The following ROBO1 variants were observed in gnomAD, a reference collection of about 807,000 sequenced individuals.
ROBO1 encodes roundabout guidance receptor 1.
Under a neutral mutation model 195.9 loss-of-function variants are expected in ROBO1, and 149 were observed. The observed-to-expected ratio is 0.76, with a 90% CI of 0.67 to 0.87. The LOEUF (loss-of-function observed/expected upper bound fraction) is 0.87, where lower values mean the gene tolerates loss of function less well. Ranked by LOEUF, ROBO1 falls within the 40% of genes least tolerant of loss-of-function variation. The probability of loss-of-function intolerance (pLI) is 0.00; values close to 1 mark genes in which losing one functional copy is unlikely to be tolerated. For missense variants in ROBO1, 1,933 were observed against 2,068.3 expected, an observed-to-expected ratio of 0.93 and a Z score of 1.27; for synonymous variants, 816 against 733.2, an observed-to-expected ratio of 1.11 and a Z score of -1.82.
intron 1 of ROBO1, among the ~76,000 whole-genome samples, chr3:79,596,873 G>A (rs116174905): frequency 0.015 from 2,290 of 152,068 alleles, 79 homozygotes; most frequent in African/African-American, 0.052. Context: ...AGATTAAAGT[G>A]ACTCCAGATA....
At chr3:78,693,254 G>C in intron 8 of ROBO1, 13 of 1,510,012 alleles carry the variant, frequency 8.6e-6, no homozygotes, top group Non-Finnish European at 1.1e-5. Flanking sequence ...CTGATTGGTT[G>C]AAGGACATGG....
chr3:79,613,129 C>T (rs1278212546), intron 1 of ROBO1, among the ~76,000 whole-genome samples: 9 of 36,084 alleles, frequency 2.5e-4, no homozygotes. Flanking sequence ...TTCAAAAGGA[C>T]TGGGAAAGAC....
In ROBO1 at chr3:78,858,265, C is replaced by A. The variant is rs1158699271; in HGVS notation, c.499+80336G>T. ...CAGGAGCAAGAGATTAATTCCCAAACCCCTAAAACTGTTCTCATTCATCTC... is the reference window on the plus strand; with the variant it reads ...CAGGAGCAAGAGATTAATTCCCAAAACCCTAAAACTGTTCTCATTCATCTC... On this transcript the variant is annotated intron_variant, in intron 4 of 30. Transcript: ENST00000464233. 3.3e-5 allele frequency among the ~76,000 whole-genome samples: 5 copies of A among 152,184 alleles called. No individual in the cohort carries two copies. In the South Asian group the frequency reaches 1.0e-3, roughly 32 times the overall value.
intron 4 of ROBO1, among the ~76,000 whole-genome samples, chr3:78,914,775 A>G (rs896780663): frequency 7.2e-4 from 107 of 147,814 alleles, no homozygotes; most frequent in African/African-American, 2.3e-3. Flanking sequence ...ATATATTTAT[A>G]TAAATATGCT....
intron 3 of ROBO1, among the ~76,000 whole-genome samples, chr3:79,081,646 A>C (rs1227304554): frequency 6.6e-6 from 1 of 152,180 alleles, no homozygotes; most frequent in Non-Finnish European, 1.5e-5. Flanking sequence ...AGCTGCCAAC[A>C]CAAGAAAGCT....
chr3:79,015,515 A>G (rs1329260855), intron 3 of ROBO1, among the ~76,000 whole-genome samples: 1 of 151,988 alleles, frequency 6.6e-6, no homozygotes, highest in Non-Finnish European at 1.5e-5. Flanking sequence ...AGTGGATTTG[A>G]GCAAGTCTAT....
At chr3:79,626,946 G>T (rs1044259773) in intron 1 of ROBO1, among the ~76,000 whole-genome samples, 1 of 152,136 alleles carries the variant, frequency 6.6e-6, no homozygotes. Context: ...AGCTAACAAG[G>T]GATGTGAAGG....
At chr3:79,695,995 T>A (rs1241689811) in intron 1 of ROBO1, among the ~76,000 whole-genome samples, 3 of 151,180 alleles carry the variant, frequency 2.0e-5, no homozygotes, top group Non-Finnish European at 4.4e-5. Flanking sequence ...GGGGAGGGGG[T>A]TCTGTGTTAG....
intron 2 of ROBO1, among the ~76,000 whole-genome samples, chr3:79,463,400 A>AG (rs774586902): frequency 8.6e-6 from 1 of 116,328 alleles, no homozygotes; most frequent in Admixed American, 8.2e-5. Context: ...AACAAAAAAC[A>AG]AAAAACAAAA....
chr3:78,640,112 G>C (rs1018475286), intron 21 of ROBO1, among the ~76,000 whole-genome samples: 1 of 151,968 alleles, frequency 6.6e-6, no homozygotes, highest in Non-Finnish European at 1.5e-5. Flanking sequence ...ACTGTACACG[G>C]GAAGAGTTAT....
intron 4 of ROBO1, among the ~76,000 whole-genome samples, chr3:78,805,116 C>T (rs1466200156): frequency 3.3e-5 from 5 of 152,034 alleles, no homozygotes; most frequent in African/African-American, 7.2e-5. Flanking sequence ...TGGAAAGAAT[C>T]GGTGTTGGTC....
chr3:78,969,242 C>A (rs1169059196), intron 3 of ROBO1, among the ~76,000 whole-genome samples: 2 of 152,118 alleles, frequency 1.3e-5, no homozygotes, highest in Admixed American at 1.3e-4. Context: ...TTCTCCAAGT[C>A]AAATGGCTGC....
At chr3:79,629,566 T>A (rs962483293) in intron 1 of ROBO1, among the ~76,000 whole-genome samples, 2 of 151,662 alleles carry the variant, frequency 1.3e-5, no homozygotes, top group Non-Finnish European at 2.9e-5. Context: ...AACAAACCAA[T>A]GTCACAACCC....
At chr3:78,628,031 G>A (rs1207873531) in intron 25 of ROBO1, among the ~76,000 whole-genome samples, 14 of 149,628 alleles carry the variant, frequency 9.4e-5, no homozygotes, top group Non-Finnish European at 4.4e-5. Flanking sequence ...TCAGCTCAAC[G>A]CAACCTCCAC....
chr3:78,651,682 T>A, intron 19 of ROBO1, 50 bp downstream of exon 19: 2 of 1,360,084 alleles, frequency 1.5e-6, no homozygotes, highest in Non-Finnish European at 9.8e-7. Context: ...AATATTAAAA[T>A]CAAGAGTTTT....
At chr3:79,417,804 A>G (rs959813538) in intron 2 of ROBO1, among the ~76,000 whole-genome samples, 1 of 152,154 alleles carries the variant, frequency 6.6e-6, no homozygotes, top group Admixed American at 6.6e-5. Flanking sequence ...TTGTTGGATT[A>G]GAGAAGTATT....
intron 2 of ROBO1, among the ~76,000 whole-genome samples, chr3:79,207,179 G>A (rs1214080729): frequency 6.6e-6 from 1 of 152,020 alleles, no homozygotes; most frequent in Admixed American, 6.6e-5. Context: ...GGTGGGAGGT[G>A]GGGAAAACAT....
chr3:78,670,011 C>A, intron 11 of ROBO1, 85 bp downstream of exon 11: 1 of 1,043,786 alleles, frequency 9.6e-7, no homozygotes, highest in South Asian at 1.7e-5. Flanking sequence ...TCATTAATTG[C>A]AAAGTTAGAA....
intron 2 of ROBO1, among the ~76,000 whole-genome samples, chr3:79,275,420 C>T (rs1203723443): frequency 2.6e-5 from 4 of 151,782 alleles, no homozygotes; most frequent in Non-Finnish European, 5.9e-5. Context: ...GCATTTGATA[C>T]ATTTCAACAT....
Sources: gnomAD v4.1 joint callset for allele counts (sites outside exome capture counted in the v4.1 genomes callset) on GRCh38, gnomAD v4.1.1 for gene constraint, MANE v1.5 for transcripts, NCBI Gene and HGNC (gene_info 2026-07-23, HGNC 2026-07-21) for gene names.